The following TIMM50 variants were observed in gnomAD, a reference collection of about 807,000 sequenced individuals.
The protein encoded by TIMM50 is translocase of inner mitochondrial membrane 50.
TIMM50 carries 34 observed loss-of-function variants against 49.6 expected under a neutral mutation model. The ratio of observed to expected loss-of-function variants is 0.69; its 90% CI spans 0.52 to 0.91. TIMM50 has a LOEUF of 0.91. TIMM50 is among the 40% of genes least tolerant of loss of function. The probability of loss-of-function intolerance (pLI) is 0.00; values close to 1 mark genes in which losing one functional copy is unlikely to be tolerated. For missense variants in TIMM50, 458 were observed against 477.8 expected (o/e 0.96, Z 0.39); for synonymous variants, 199 against 198.4 (o/e 1.00, Z -0.03).
rs897022689 is a variant in TIMM50, at chr19:39,487,857, G to A, written c.697-204G>A. 1.3e-5 allele frequency: 8 copies of A among 613,300 alleles called. No individual in the cohort carries two copies. The African/African-American group carries it at 1.5e-4, about 12-fold the overall frequency. 38.0% of individuals were successfully genotyped at this position (613,300 alleles called of 1,614,324 possible). A position where few individuals can be genotyped will look rare whatever the true frequency, so the allele number is the denominator to read the frequency against. ...TCCGCCCGCCTCGGCCTCCCAAAGT[G>A]CTGGGATTACAGGCGTGAGCCACCA... On this transcript the variant is annotated intron_variant, in intron 8 of 10. Coordinates refer to ENST00000607714, the MANE Select transcript of TIMM50 (RefSeq NM_001001563.5).
At chr19:39,482,508 A>G (rs948768887) in intron 2 of TIMM50, among the ~76,000 whole-genome samples, 12 of 152,146 alleles carry the variant, frequency 7.9e-5, no homozygotes, top group African/African-American at 1.9e-4. Context: ...ATACAAAAAA[A>G]AATTAGCCCG....
intron 1 of TIMM50, 35 bp downstream of exon 1, chr19:39,480,996 G>T (rs1369379232): frequency 1.4e-5 from 22 of 1,549,184 alleles, no homozygotes; most frequent in Non-Finnish European, 1.9e-5. Context: ...TGAATGTGGG[G>T]TCCCTTCCCT....
chr19:39,488,445 GC>G, intron 9 of TIMM50, 93 bp from the exon 10 acceptor site: 1 of 1,215,720 alleles, frequency 8.2e-7, no homozygotes, highest in Non-Finnish European at 1.2e-6. Flanking sequence ...AGCACTGACT[GC>G]CCCCGTGCCC....
chr19:39,488,036 G>T, intron 8 of TIMM50, 25 bp from the exon 9 acceptor site: 1 of 1,596,216 alleles, frequency 6.3e-7, no homozygotes, highest in South Asian at 1.1e-5. Context: ...CACAGATGTT[G>T]ACCTGATCTG....
intron 1 of TIMM50, chr19:39,481,235 A>G (rs2079469322): frequency 3.9e-6 from 2 of 507,128 alleles, no homozygotes; most frequent in Non-Finnish European, 6.9e-6. Flanking sequence ...CTCAGGTGAT[A>G]CTTGAGCAGG....
chr19:39,484,650 G>T (rs1026150840), intron 4 of TIMM50, among the ~76,000 whole-genome samples: 8 of 152,108 alleles, frequency 5.3e-5, no homozygotes, highest in African/African-American at 1.9e-4. Context: ...ATTGTTCCTA[G>T]TTCTGAACCA....
In TIMM50 at chr19:39,481,002, TCC is replaced by T. The variant is rs756711971; in HGVS notation, c.108+43_108+44del. On this transcript the variant is annotated intron_variant, in intron 1 of 10. Coordinates refer to ENST00000607714, the MANE Select transcript of TIMM50 (RefSeq NM_001001563.5). ...GTGGCCCTCTGAATGTGGGGTCCCT[TCC>T]CTGGAGTTACGGACATATCGCCGCC... 1.4e-5 allele frequency: 21 copies of T among 1,534,654 alleles called. No homozygotes were observed. In the Admixed American group the frequency reaches 4.3e-4, roughly 32 times the overall value.
chr19:39,489,867 C>T lies in TIMM50; in HGVS notation c.*47C>T. On this transcript the variant is annotated 3_prime_UTR_variant, in exon 11 of 11. Transcript: ENST00000607714. ...AGTGCCTGGGTCCAGGGCCCCAGTG[C>T]TTCCAGACCAAGACTTGGGCCACCA... is the stretch of plus-strand genomic sequence containing the variant. 5 of 1,541,374 alleles carry T rather than the reference C, an allele frequency of 3.2e-6. No homozygotes were observed. The highest frequency in any genetic ancestry group is 4.4e-6 in the Non-Finnish European group (5 of 1,130,810).
chr19:39,490,011 T>C lies in TIMM50; in HGVS notation c.*191T>C. 1.7e-6 allele frequency: 1 copy of C among 606,028 alleles called. No individual in the cohort carries two copies. Among genetic ancestry groups the C allele is most frequent in the Non-Finnish European group, 2.9e-6 (1 of 343,926 alleles). 37.5% of individuals were successfully genotyped at this position (606,028 alleles called of 1,614,324 possible). The stretch of plus-strand genomic sequence containing the variant: ...CATCGTCCCACAGTGGCTGATCGGC[T>C]GCCAAGCACAGTGGGGGTGCTTTGT... On this transcript the variant is annotated 3_prime_UTR_variant, in exon 11 of 11. Coordinates refer to ENST00000607714, the MANE Select transcript of TIMM50 (RefSeq NM_001001563.5).
In TIMM50 at chr19:39,482,926, A is replaced by C; in HGVS notation, c.291+10A>C. On this transcript the variant is annotated intron_variant, in intron 3 of 10. Transcript: ENST00000607714. ...CGAAAATGGTGCCAAGGTGAGGGGG[A>C]AAGAGACCGAGGCCTTGCCAGGAGT... 1 of 1,614,064 alleles carries C rather than the reference A, an allele frequency of 6.2e-7. No individual in the cohort carries two copies.
intron 4 of TIMM50, chr19:39,483,493 G>T: frequency 3.1e-6 from 1 of 320,718 alleles, no homozygotes; most frequent in Non-Finnish European, 5.8e-6. Context: ...TCCCCCTCGA[G>T]CCCCTACCCC....
Position 39,491,699 on chromosome 19 carries a change from G to A in TIMM50, c.*1879G>A, listed in dbSNP as rs1387752550. On this transcript the variant is annotated 3_prime_UTR_variant, in exon 11 of 11. Transcript: ENST00000607714. ...GAGCCCAGCGAGGTTATGCATACCTGTAGTCCCAGCTACGTGAGAGGCTGA... is the reference window on the plus strand; with the variant it reads ...GAGCCCAGCGAGGTTATGCATACCTATAGTCCCAGCTACGTGAGAGGCTGA... 1 of 151,526 alleles carries A rather than the reference G, an allele frequency of 6.6e-6. No homozygotes were observed. Among genetic ancestry groups the A allele is most frequent in the East Asian group, 2.0e-4 (1 of 5,022 alleles). 9.4% of individuals were successfully genotyped at this position (151,526 alleles called of 1,614,324 possible). A position where few individuals can be genotyped will look rare whatever the true frequency, so the allele number is the denominator to read the frequency against.
intron 6 of TIMM50, 94 bp downstream of exon 6, chr19:39,485,901 T>TG (rs1299809652): frequency 1.1e-5 from 17 of 1,545,232 alleles, no homozygotes; most frequent in Admixed American, 1.9e-5. Flanking sequence ...TATGTGATCT[T>TG]GGGGAGGAGA....
Position 39,486,282 on chromosome 19 carries a change from G to A in TIMM50, c.588G>A (p.Glu196=), listed in dbSNP as rs751614445. 2 of 1,614,142 alleles carry A rather than the reference G, an allele frequency of 1.2e-6. No individual in the cohort carries two copies. The highest frequency in any genetic ancestry group is 1.3e-5 in the African/African-American group (1 of 75,036). ...PLYEIVIFTS[E]TGMTAFPLID... ...ATGAAATTGTCATCTTTACGTCAGA[G>A]ACTGGCATGGTGAGGCTCTGGGGCA... The change falls in exon 7 of 11, where the codon GAG becomes GAA. Residue 196 remains glutamate (E), a synonymous_variant. Transcript: ENST00000607714.
chr19:39,481,859 T>G, intron 1 of TIMM50, 24 bp from the exon 2 acceptor site: 2 of 1,606,694 alleles, frequency 1.2e-6, no homozygotes, highest in Non-Finnish European at 1.7e-6. Flanking sequence ...CTCTCTTGGC[T>G]GACCTCCCCT....
In TIMM50 at chr19:39,480,938, C is replaced by A; in HGVS notation, c.85C>A (p.Pro29Thr). ...SRGLCTRLATPPRRAPDQAAE... is the reference protein window; with the variant it reads ...SRGLCTRLATTPRRAPDQAAE... ...GGGACTGTGCACGAGGTTGGCGACGCCGCCCCGCCGGGCCCCAGATCAGGT... is the reference window on the plus strand; with the variant it reads ...GGGACTGTGCACGAGGTTGGCGACGACGCCCCGCCGGGCCCCAGATCAGGT... Residue 29 changes from proline to threonine, a missense_variant, in exon 1 of 11, where the codon CCG becomes ACG. By Grantham distance (38) the Pro-to-Thr change is conservative (BLOSUM62 -1). Coordinates refer to ENST00000607714, the MANE Select transcript of TIMM50 (RefSeq NM_001001563.5). 6.3e-7 allele frequency: 1 copy of A among 1,585,250 alleles called. No individual in the cohort carries two copies.
intron 4 of TIMM50, 53 bp downstream of exon 4, chr19:39,483,209 T>A (rs2079484294): frequency 1.9e-6 from 3 of 1,610,156 alleles, no homozygotes; most frequent in Non-Finnish European, 2.5e-6. Flanking sequence ...ACTCTGTCAT[T>A]TGTAAGGATG....
chr19:39,480,851 A>G lies in TIMM50; in HGVS notation c.-3A>G. 1 of 1,596,070 alleles carries G rather than the reference A, an allele frequency of 6.3e-7. No individual in the cohort carries two copies. The highest frequency in any genetic ancestry group is 1.1e-5 in the South Asian group (1 of 89,542). On this transcript the variant is annotated 5_prime_UTR_variant, in exon 1 of 11. Transcript: ENST00000607714. ...GGGCGGGGCCGCGTGGCGTCAGCGC[A>G]AGATGGCGGCCTCGGCAGCGGTGTT...
intron 10 of TIMM50, among the ~76,000 whole-genome samples, chr19:39,488,877 G>T (rs980209564): frequency 6.6e-6 from 1 of 152,206 alleles, no homozygotes; most frequent in African/African-American, 2.4e-5. Context: ...AACAGGAGAG[G>T]ATTTGAGATT....
Sources: allele counts gnomAD v4.1 joint callset (sites outside exome capture counted in the v4.1 genomes callset), GRCh38; gene constraint gnomAD v4.1.1; transcripts MANE v1.5; gene names NCBI Gene and HGNC (gene_info 2026-07-23, HGNC 2026-07-21).